The following GMPR variants were observed in gnomAD, a reference collection of about 807,000 sequenced individuals.
GMPR encodes GMP reductase 1.
GMPR carries 31 observed loss-of-function variants against 38.4 expected under a neutral mutation model. The observed-to-expected ratio is 0.81, with a 90% CI of 0.61 to 1.09. The LOEUF (loss-of-function observed/expected upper bound fraction) is 1.09, where lower values mean the gene tolerates loss of function less well. Among genes scored for constraint, GMPR ranks in the 50% least tolerant of loss-of-function variants. The probability of loss-of-function intolerance (pLI) is 0.00; values close to 1 mark genes in which losing one functional copy is unlikely to be tolerated. For missense variants in GMPR, 468 were observed against 453.7 expected (o/e 1.03, Z -0.29); for synonymous variants, 162 against 173.3 (o/e 0.93, Z 0.51).
chr6:16,258,006 A>G (rs1227607351), intron 4 of GMPR: 1 of 152,130 alleles, frequency 6.6e-6, no homozygotes, highest in African/African-American at 2.4e-5. Context: ...TCTGAATCTC[A>G]CTTTCCTCAC....
At chr6:16,276,286 C>T (rs1759470781) in intron 5 of GMPR, among the ~76,000 whole-genome samples, 1 of 152,078 alleles carries the variant, frequency 6.6e-6, no homozygotes, top group African/African-American at 2.4e-5. Flanking sequence ...TCTTCTGCCT[C>T]AGCCTCCTGA....
At chr6:16,256,362 A>G in intron 4 of GMPR, among the ~76,000 whole-genome samples, 1 of 150,726 alleles carries the variant, frequency 6.6e-6, no homozygotes, top group East Asian at 1.9e-4. Context: ...AAAAAAAAAA[A>G]AAAAAAAAAA....
intron 3 of GMPR, among the ~76,000 whole-genome samples, chr6:16,251,711 G>C (rs1477317250): frequency 1.3e-5 from 2 of 152,078 alleles, no homozygotes; most frequent in Admixed American, 1.3e-4. Context: ...GTGGTTAAGG[G>C]GTATGAGACT....
At chr6:16,280,439 T>C (rs1209865863) in intron 6 of GMPR, among the ~76,000 whole-genome samples, 3 of 152,172 alleles carry the variant, frequency 2.0e-5, no homozygotes, top group Admixed American at 6.5e-5. Flanking sequence ...AAATAAATGG[T>C]CAAAGGTTTA....
intron 2 of GMPR, among the ~76,000 whole-genome samples, chr6:16,247,928 G>T (rs1456871425): frequency 6.6e-6 from 1 of 152,060 alleles, no homozygotes; most frequent in Non-Finnish European, 1.5e-5. Context: ...TGTAAAGAGG[G>T]TAGCTAATAT....
intron 4 of GMPR, among the ~76,000 whole-genome samples, chr6:16,266,803 C>CA (rs559121473): frequency 3.3e-5 from 5 of 150,036 alleles, no homozygotes; most frequent in Admixed American, 6.6e-5. Flanking sequence ...AACAAACAAA[C>CA]AAAAAAAGAG....
chr6:16,290,727 C>G, intron 8 of GMPR, 106 bp downstream of exon 8: 1 of 934,994 alleles, frequency 1.1e-6, no homozygotes. Flanking sequence ...ATTAAAGTAC[C>G]GTGGGAAGGG....
intron 7 of GMPR, chr6:16,289,907 T>C (rs1759803826): frequency 7.5e-6 from 1 of 133,430 alleles, no homozygotes; most frequent in Non-Finnish European, 1.5e-5. Context: ...TCTCCCTCTG[T>C]TGCCCAGGTT....
At chr6:16,283,145 A>G (rs1193683251) in intron 6 of GMPR, among the ~76,000 whole-genome samples, 1 of 152,222 alleles carries the variant, frequency 6.6e-6, no homozygotes, top group Non-Finnish European at 1.5e-5. Flanking sequence ...AGGCAGGCTG[A>G]CAGTTCACAA....
chr6:16,245,116 TG>T (rs1758729594), intron 1 of GMPR, among the ~76,000 whole-genome samples: 1 of 152,306 alleles, frequency 6.6e-6, no homozygotes, highest in South Asian at 2.1e-4. Context: ...AGGGTTGCTA[TG>T]GGTAGGTCCC....
At chr6:16,285,721 A>C (rs760315464) in intron 6 of GMPR, 72 bp from the exon 7 acceptor site, 203 of 1,283,682 alleles carry the variant, frequency 1.6e-4, no homozygotes, top group Non-Finnish European at 2.1e-4. Flanking sequence ...TCACTAGGTC[A>C]TCTGGGGGGA....
At chr6:16,248,069 A>C (rs1439767765) in intron 2 of GMPR, among the ~76,000 whole-genome samples, 4 of 151,808 alleles carry the variant, frequency 2.6e-5, no homozygotes, top group Non-Finnish European at 4.4e-5. Context: ...ATTTCTACAA[A>C]AAAATATGAA....
intron 1 of GMPR, among the ~76,000 whole-genome samples, chr6:16,239,347 G>A (rs774637027): frequency 6.6e-6 from 1 of 152,200 alleles, no homozygotes; most frequent in Non-Finnish European, 1.5e-5. Flanking sequence ...ACAGCCCGCG[G>A]TCCCAGCCTA....
intron 1 of GMPR, among the ~76,000 whole-genome samples, chr6:16,244,635 T>C (rs1317560207): frequency 1.3e-5 from 2 of 152,142 alleles, no homozygotes; most frequent in Admixed American, 6.6e-5. Context: ...TATGTTCCCT[T>C]TCAGGTCAGG....
chr6:16,254,087 C>A (rs1029696993), intron 3 of GMPR, among the ~76,000 whole-genome samples: 2 of 152,268 alleles, frequency 1.3e-5, no homozygotes, highest in South Asian at 4.1e-4. Flanking sequence ...CCTGCCACCA[C>A]GCCTGGCTAA....
chr6:16,264,799 G>T (rs549006264), intron 4 of GMPR, among the ~76,000 whole-genome samples: 2 of 152,150 alleles, frequency 1.3e-5, no homozygotes, highest in African/African-American at 2.4e-5. Flanking sequence ...TTTTGTGGTG[G>T]AATGTCATCA....
chr6:16,288,118 G>A (rs1759725885), intron 7 of GMPR, among the ~76,000 whole-genome samples: 1 of 152,244 alleles, frequency 6.6e-6, no homozygotes. Flanking sequence ...CTCGCTTGCT[G>A]TCCACGCCTC....
chr6:16,286,648 C>T (rs1333490813), intron 7 of GMPR, among the ~76,000 whole-genome samples: 1 of 151,966 alleles, frequency 6.6e-6, no homozygotes, highest in Non-Finnish European at 1.5e-5. Context: ...CGGTGGCTCA[C>T]ACCTGTAATC....
In GMPR at chr6:16,246,975, C is replaced by T; in HGVS notation, c.207+14C>T. On this transcript the variant is annotated intron_variant, in intron 2 of 8. Coordinates refer to ENST00000259727, the MANE Select transcript of GMPR (RefSeq NM_006877.4). ...GTGATGTCACAGGTGAGGCGGTAGG[C>T]TTTTGTTTTTTCCCTTTGCTGCTCA... is the stretch of plus-strand genomic sequence containing the variant. The T allele has an allele frequency of 6.2e-7, 1 of 1,611,204 alleles. No homozygotes were observed. Among genetic ancestry groups the T allele is most frequent in the African/African-American group, 1.3e-5 (1 of 74,776 alleles).
Sources: gnomAD v4.1 joint callset for allele counts (sites outside exome capture counted in the v4.1 genomes callset) on GRCh38, gnomAD v4.1.1 for gene constraint, MANE v1.5 for transcripts, NCBI Gene and HGNC (gene_info 2026-07-23, HGNC 2026-07-21) for gene names.